Variants in ITGA7 observed in about 807,000 individuals in gnomAD.
ITGA7 encodes the protein integrin subunit alpha 7, also known as integrin alpha-7.
A neutral mutation model predicts 131.6 loss-of-function variants in ITGA7; 84 were observed. The observed-to-expected ratio is 0.64, with a 90% CI of 0.54 to 0.77. ITGA7 has a LOEUF of 0.77. Among genes scored for constraint, ITGA7 ranks in the 30% least tolerant of loss-of-function variants. ITGA7 has a pLI of 0.00. For missense variants in ITGA7, 1,399 were observed against 1,482.9 expected, an observed-to-expected ratio of 0.94 and a Z score of 0.93; for synonymous variants, 548 against 600.7, an observed-to-expected ratio of 0.91 and a Z score of 1.28.
chr12:55,716,300 C>A, upstream of ITGA7: 1 of 1,515,458 alleles, frequency 6.6e-7, no homozygotes, highest in Non-Finnish European at 8.8e-7. Flanking sequence ...AAGACGCCAG[C>A]TAGCGGGCAA....
intron 24 of ITGA7, among the ~76,000 whole-genome samples, chr12:55,687,634 G>A (rs929067231): frequency 4.0e-5 from 6 of 151,718 alleles, no homozygotes; most frequent in Non-Finnish European, 8.8e-5. Context: ...GGATCTACAG[G>A]TGCGTGCCAC....
chr12:55,712,064 T>A (rs1876168642), upstream of ITGA7: 1 of 1,551,152 alleles, frequency 6.4e-7, no homozygotes, highest in Non-Finnish European at 8.7e-7. Flanking sequence ...TTCACTCACC[T>A]CTCCAGCACT....
intron 4 of ITGA7, chr12:55,700,461 T>C (rs905135217): frequency 3.1e-5 from 47 of 1,534,612 alleles, no homozygotes; most frequent in Non-Finnish European, 3.8e-5. Context: ...GGACACTGAG[T>C]TAGACAGGCA....
At chr12:55,690,097 C>G (rs1367016939) in intron 21 of ITGA7, among the ~76,000 whole-genome samples, 1 of 152,088 alleles carries the variant, frequency 6.6e-6, no homozygotes, top group African/African-American at 2.4e-5. Flanking sequence ...AAAGCAATGG[C>G]AACAAAAGCC....
At chr12:55,701,281 A>ATG in intron 3 of ITGA7, 127 bp from the exon 4 acceptor site, 1 of 1,571,970 alleles carries the variant, frequency 6.4e-7, no homozygotes, top group Non-Finnish European at 8.7e-7. Context: ...GCACATGCAC[A>ATG]CATACACACA....
chr12:55,702,746 T>G lies in ITGA7; in HGVS notation c.414+126A>C, dbSNP rs1252587187. ...CTCACACCTTTTTATATCTCCCTGA[T>G]GTACTTGGAATCATACCATATTCCT... On this transcript the variant is annotated intron_variant, in intron 3 of 24. Transcript: ENST00000257879. The G allele has an allele frequency of 5.1e-6, 4 of 791,560 alleles. No individual in the cohort carries two copies. In the South Asian group the frequency reaches 5.7e-5, roughly 11 times the overall value. 49.0% of individuals were successfully genotyped at this position (791,560 alleles called of 1,614,324 possible). A position where few individuals can be genotyped will look rare whatever the true frequency, so the allele number is the denominator to read the frequency against.
At chr12:55,688,370 A>T (rs1870709707) in intron 22 of ITGA7, 70 bp from the exon 23 acceptor site, 1 of 1,090,294 alleles carries the variant, frequency 9.2e-7, no homozygotes, top group East Asian at 2.4e-5. Flanking sequence ...TTACCTCCTG[A>T]AATTATAAAT....
At chr12:55,714,443 G>A (rs1357561113), upstream of ITGA7, among the ~76,000 whole-genome samples, 408 of 151,198 alleles carry the variant, frequency 2.7e-3, 1 homozygote, top group African/African-American at 9.1e-3. Flanking sequence ...GCGTGAACCC[G>A]GGAGGCGGAG....
At chr12:55,691,233 AT>A (rs2135976327) in intron 21 of ITGA7, among the ~76,000 whole-genome samples, 1 of 152,342 alleles carries the variant, frequency 6.6e-6, no homozygotes, top group East Asian at 1.9e-4. Flanking sequence ...ATACTGCATT[AT>A]CTCACTTATA....
chr12:55,713,697 A>G (rs1246061064), upstream of ITGA7, among the ~76,000 whole-genome samples: 1 of 152,240 alleles, frequency 6.6e-6, no homozygotes, highest in Non-Finnish European at 1.5e-5. Flanking sequence ...TACACACAGT[A>G]TCTAACGTTT....
chr12:55,702,439 A>G (rs1874258169), intron 3 of ITGA7, among the ~76,000 whole-genome samples: 1 of 152,100 alleles, frequency 6.6e-6, no homozygotes, highest in South Asian at 2.1e-4. Flanking sequence ...AAGTGCTGGG[A>G]TTACAAGCGT....
intron 22 of ITGA7, among the ~76,000 whole-genome samples, chr12:55,688,516 G>C (rs953997601): frequency 1.3e-5 from 2 of 152,180 alleles, no homozygotes; most frequent in African/African-American, 4.8e-5. Context: ...CCTGAGGTCA[G>C]GAGTTTGAGA....
At chr12:55,709,313 TTC>T (rs1228623094), upstream of ITGA7, among the ~76,000 whole-genome samples, 2 of 152,224 alleles carry the variant, frequency 1.3e-5, no homozygotes, top group African/African-American at 4.8e-5. Flanking sequence ...TCTTCCTGTG[TTC>T]TGTCTTTCCT....
Position 55,696,325 on chromosome 12 carries a change from G to A in ITGA7, c.1845C>T (p.Ala615=), listed in dbSNP as rs189525243. ...QAPGQGLPPV[A]PILNAHQPST... ...TGGGCTGGTGGGCATTGAGGATGGG[G>A]GCCACTGGAGGCAGCCCCTGGCCAG... Residue 615 remains alanine, a synonymous_variant, in exon 13 of 25, where the codon GCC becomes GCT. Coordinates refer to ENST00000257879, the MANE Select transcript of ITGA7 (RefSeq NM_002206.3). 4.8e-5 allele frequency: 76 copies of A among 1,581,712 alleles called. No homozygotes were observed. The highest frequency in any genetic ancestry group is 3.3e-4 in the Middle Eastern group (2 of 6,006).
chr12:55,694,065 G>A lies in ITGA7; in HGVS notation c.2491C>T (p.Gln831Ter). The A allele has an allele frequency of 6.2e-7, 1 of 1,614,140 alleles. No homozygotes were observed. The highest frequency in any genetic ancestry group is 1.1e-5 in the South Asian group (1 of 91,074). The stretch of plus-strand genomic sequence containing the variant: ...TTGCTGCCCACATCCCGCTCAGACT[G>A]CATGGCTCTCTCGCCCCTCACCACA... ...SGVVRGERAMQSERDVGSKVK... is the reference protein window; with the variant it reads ...SGVVRGERAM Residue 831 changes from glutamine (Q) to a stop codon, truncating the protein, a stop_gained, in exon 19 of 25, where the codon CAG becomes TAG. Coordinates refer to ENST00000257879, the MANE Select transcript of ITGA7 (RefSeq NM_002206.3). LOFTEE classifies it high-confidence loss of function. This position sits in a 1 kb window ranked among gnomAD's most constrained non-coding sequence, Gnocchi z 5.3.
upstream of ITGA7, among the ~76,000 whole-genome samples, chr12:55,709,953 A>C (rs1875917316): frequency 6.6e-6 from 1 of 152,250 alleles, no homozygotes; most frequent in African/African-American, 2.4e-5. Context: ...AGGGGAACAC[A>C]CAAGAGCGTG....
At chr12:55,703,959 T>A (rs949991322) in intron 1 of ITGA7, among the ~76,000 whole-genome samples, 16 of 152,170 alleles carry the variant, frequency 1.1e-4, no homozygotes, top group African/African-American at 3.6e-4. Flanking sequence ...CTTTCCCAGC[T>A]ACAACTTTCT....
At chr12:55,695,695 G>A in intron 13 of ITGA7, 58 bp from the exon 14 acceptor site, 3 of 1,152,664 alleles carry the variant, frequency 2.6e-6, no homozygotes, top group Non-Finnish European at 4.0e-6. Context: ...GGGCAAACCT[G>A]TCACCATGGC....
intron 3 of ITGA7, 32 bp downstream of exon 3, chr12:55,702,840 C>T: frequency 1.3e-6 from 2 of 1,575,462 alleles, no homozygotes; most frequent in Admixed American, 3.3e-5. Flanking sequence ...CACACCCCAT[C>T]CGTGCATTCA....
Sources: allele counts gnomAD v4.1 joint callset (sites outside exome capture counted in the v4.1 genomes callset), GRCh38; gene constraint gnomAD v4.1.1; non-coding constraint Gnocchi (gnomAD v3.1); transcripts MANE v1.5; gene names NCBI Gene and HGNC (gene_info 2026-07-23, HGNC 2026-07-21).